Variants in QRICH1 observed in about 807,000 individuals in gnomAD.
QRICH1 encodes glutamine rich 1, also known as transcriptional regulator QRICH1.
In QRICH1, 16 loss-of-function variants were observed where a neutral mutation model predicts 87.1. The ratio of observed to expected loss-of-function variants is 0.18; its 90% CI spans 0.12 to 0.28. The LOEUF (loss-of-function observed/expected upper bound fraction) is 0.28. QRICH1 is among the 10% of genes least tolerant of loss of function. The pLI, the probability that QRICH1 is intolerant of heterozygous loss-of-function variation, is 1.00. For synonymous variants in QRICH1, 367 were observed against 368.4 expected, an observed-to-expected ratio of 1.00 and a Z score of 0.05; for missense variants, 647 against 951.7, an observed-to-expected ratio of 0.68 and a Z score of 4.21.
chr3:49,046,725 C>T, intron 4 of QRICH1, 146 bp from the exon 5 acceptor site: 3 of 933,270 alleles, frequency 3.2e-6, no homozygotes, highest in Non-Finnish European at 3.1e-6. Flanking sequence ...TCAGAACTGG[C>T]CTATAACATG....
chr3:49,090,609 CAA>C (rs1367554134), intron 1 of QRICH1, among the ~76,000 whole-genome samples: 2 of 118,602 alleles, frequency 1.7e-5, no homozygotes, highest in Non-Finnish European at 3.3e-5. Flanking sequence ...GCCTGGGCGA[CAA>C]GAGTGAAACT....
chr3:49,034,835 G>A (rs1480269287), intron 6 of QRICH1, among the ~76,000 whole-genome samples: 2 of 152,198 alleles, frequency 1.3e-5, no homozygotes, highest in Non-Finnish European at 1.5e-5. Flanking sequence ...TGTGCACTGG[G>A]TGCATAATGA....
chr3:49,068,310 T>C (rs980176504), intron 2 of QRICH1, among the ~76,000 whole-genome samples: 4 of 151,846 alleles, frequency 2.6e-5, no homozygotes, highest in African/African-American at 9.7e-5. Flanking sequence ...TGAGCTATGA[T>C]TGTGCCACTC....
intron 1 of QRICH1, among the ~76,000 whole-genome samples, chr3:49,091,096 G>A (rs1447483736): frequency 6.6e-6 from 1 of 151,888 alleles, no homozygotes; most frequent in Non-Finnish European, 1.5e-5. Context: ...GGTGGCGGGA[G>A]CCTGCAGTCC....
Position 49,032,540 on chromosome 3 carries a change from A to G in QRICH1, c.2047+82T>C. The G allele has an allele frequency of 1.2e-5, 17 of 1,447,512 alleles. No homozygotes were observed. In the South Asian group the frequency reaches 2.3e-4, roughly 20 times the overall value. 89.7% of individuals were successfully genotyped at this position (1,447,512 alleles called of 1,614,324 possible). On this transcript the variant is annotated intron_variant, in intron 8 of 9. Transcript: ENST00000395443. ...CCAGCAAATCCCAACCTTTACACTT[A>G]TCACTAGCCTCACAGGCACAAGGGC...
intron 2 of QRICH1, among the ~76,000 whole-genome samples, chr3:49,061,433 C>T (rs1475915010): frequency 2.6e-5 from 4 of 152,048 alleles, no homozygotes; most frequent in African/African-American, 7.2e-5. Context: ...ATTATGTCAG[C>T]ATGCAAAAGA....
At chr3:49,076,118 C>T (rs915353002) in intron 2 of QRICH1, among the ~76,000 whole-genome samples, 34 of 152,008 alleles carry the variant, frequency 2.2e-4, no homozygotes, top group Non-Finnish European at 1.8e-4. Context: ...TGGCAGGCAC[C>T]TGGAATCCCA....
chr3:49,048,491 A>C (rs182337137), intron 3 of QRICH1, among the ~76,000 whole-genome samples: 85 of 146,190 alleles, frequency 5.8e-4, no homozygotes, highest in African/African-American at 2.0e-3. Context: ...AAAAAAAAAA[A>C]AAAAAAACCC....
chr3:49,051,918 A>G (rs1056890687), intron 3 of QRICH1, among the ~76,000 whole-genome samples: 2 of 152,186 alleles, frequency 1.3e-5, no homozygotes, highest in Admixed American at 6.5e-5. Context: ...CCAAATGTCT[A>G]TCAGTGGGTG....
intron 1 of QRICH1, among the ~76,000 whole-genome samples, chr3:49,079,170 G>C (rs2042009911): frequency 6.6e-6 from 1 of 151,976 alleles, no homozygotes; most frequent in Admixed American, 6.6e-5. Flanking sequence ...AGAGATCGAG[G>C]CTGCAGTGAC....
intron 2 of QRICH1, among the ~76,000 whole-genome samples, chr3:49,058,768 A>G (rs1359365959): frequency 6.6e-6 from 1 of 151,912 alleles, no homozygotes; most frequent in Non-Finnish European, 1.5e-5. Context: ...AGCTAGGATT[A>G]CAGGAATGCA....
Position 49,040,961 on chromosome 3 carries a change from C to T in QRICH1, c.1786+3429G>A, listed in dbSNP as rs532400643. Among the ~76,000 whole-genome samples the T allele has an allele frequency of 2.8e-3, 425 of 152,118 alleles. 4 individuals are homozygous for T. The highest frequency in any genetic ancestry group is 9.7e-3 in the African/African-American group (404 of 41,508). On this transcript the variant is annotated intron_variant, in intron 6 of 9. Coordinates refer to ENST00000395443, the MANE Select transcript of QRICH1 (RefSeq NM_198880.3). ...TTCAATTTGCAACTCTCTGATGACA[C>T]CTGATGAGAGCATCTTTTTTTGGAG... is the stretch of plus-strand genomic sequence containing the variant.
At chr3:49,093,136 T>C (rs1359823898) in intron 1 of QRICH1, 1 of 152,172 alleles carries the variant, frequency 6.6e-6, no homozygotes, top group Admixed American at 6.5e-5. Context: ...TAACCTTCCC[T>C]GCCCGGCAGA....
chr3:49,073,763 C>T (rs1315199175), intron 2 of QRICH1, among the ~76,000 whole-genome samples: 1 of 151,626 alleles, frequency 6.6e-6, no homozygotes, highest in African/African-American at 2.4e-5. Context: ...TCTCCCATCT[C>T]GGCCTCCCTA....
chr3:49,052,419 C>T (rs1439639658), intron 3 of QRICH1, among the ~76,000 whole-genome samples: 3 of 152,080 alleles, frequency 2.0e-5, no homozygotes, highest in Non-Finnish European at 4.4e-5. Flanking sequence ...AAGGCATGGC[C>T]GAGAGACTTA....
At chr3:49,084,797 T>C (rs1161335040) in intron 1 of QRICH1, among the ~76,000 whole-genome samples, 1 of 152,008 alleles carries the variant, frequency 6.6e-6, no homozygotes, top group Non-Finnish European at 1.5e-5. Context: ...ACAGTAGTTA[T>C]GCCTAGATGA....
chr3:49,075,866 CG>C (rs2041940621), intron 2 of QRICH1, among the ~76,000 whole-genome samples: 1 of 151,684 alleles, frequency 6.6e-6, no homozygotes, highest in Non-Finnish European at 1.5e-5. Flanking sequence ...AGCTTGAACC[CG>C]GGGGACAGAG....
chr3:49,047,095 G>A lies in QRICH1; in HGVS notation c.1490C>T (p.Ala497Val). Residue 497 changes from alanine to valine, a missense_variant, in exon 4 of 10, where the codon GCT (alanine) becomes GTT (valine). By Grantham distance (64) the Ala-to-Val change is moderately conservative (BLOSUM62 0). Around this residue, in one of 7 missense-constraint regions of QRICH1, gnomAD observed 187 missense variants for 309.5 expected, o/e 0.60. Coordinates refer to ENST00000395443, the MANE Select transcript of QRICH1 (RefSeq NM_198880.3). ...QTKNAELEKD[A>V]QNRLAPIGRR... The stretch of plus-strand genomic sequence containing the variant: ...CCCAATGGGTGCCAATCTGTTCTGA[G>A]CATCCTTCTCTAGTTCAGCATTCTT... The A allele has an allele frequency of 1.2e-6, 2 of 1,614,034 alleles. No individual in the cohort carries two copies. Among genetic ancestry groups the A allele is most frequent in the South Asian group, 2.2e-5 (2 of 91,076 alleles).
chr3:49,076,720 G>A lies in QRICH1; in HGVS notation c.298C>T (p.Gln100Ter). Residue 100 changes from glutamine to a stop codon, truncating the protein, a stop_gained, in exon 2 of 10, where the codon CAG (glutamine) becomes TAG (stop). Coordinates refer to ENST00000395443, the MANE Select transcript of QRICH1 (RefSeq NM_198880.3). LOFTEE classifies it high-confidence loss of function. ...CATTTCCCATATACCTGAACCTGCT[G>A]CGGCTGCTGAACCTGGATCTGCTGT... ...QEQQIQVQQP[Q>*]QVQVQVQVQQ... 1 of 1,574,166 alleles carries A rather than the reference G, an allele frequency of 6.4e-7. No individual in the cohort carries two copies. The highest frequency in any genetic ancestry group is 8.7e-7 in the Non-Finnish European group (1 of 1,155,236).
Sources: gnomAD v4.1 joint callset for allele counts (sites outside exome capture counted in the v4.1 genomes callset) on GRCh38, gnomAD v4.1.1 for gene constraint, gnomAD v4.1.1 regional missense constraint, MANE v1.5 for transcripts, NCBI Gene and HGNC (gene_info 2026-07-23, HGNC 2026-07-21) for gene names.